TTLL5: variants seen among roughly 807,000 people sequenced by gnomAD.
TTLL5 encodes tubulin polyglutamylase TTLL5.
Under a neutral mutation model 168.4 loss-of-function variants are expected in TTLL5, and 132 were observed. That is an observed-to-expected ratio of 0.78 (90% CI 0.68 to 0.91). TTLL5 has a LOEUF of 0.91. Ranked by LOEUF, TTLL5 falls within the 40% of genes least tolerant of loss-of-function variation. The probability of loss-of-function intolerance (pLI) is 0.00; values close to 1 mark genes in which losing one functional copy is unlikely to be tolerated. For synonymous variants in TTLL5, 546 were observed against 558.6 expected (o/e 0.98, Z 0.32); for missense variants, 1,545 against 1,581.5 (o/e 0.98, Z 0.39).
intron 18 of TTLL5, among the ~76,000 whole-genome samples, chr14:75,764,007 T>C (rs1225219408): frequency 1.3e-5 from 2 of 152,160 alleles, no homozygotes; most frequent in Admixed American, 1.3e-4. Flanking sequence ...TGCCTTGGCA[T>C]TTCCTCATGT....
chr14:75,894,270 G>A (rs1332209044), intron 30 of TTLL5, among the ~76,000 whole-genome samples: 1 of 152,198 alleles, frequency 6.6e-6, no homozygotes, highest in Non-Finnish European at 1.5e-5. Context: ...AAGCAAAGGA[G>A]GCTGGGCGCA....
rs35393032 is a variant in TTLL5, at chr14:75,851,095, C to CAAA, written c.3327-12552_3327-12550dup. ...TGAGTGACAGAGTGAGACCTTGTCT[C>CAAA]AAAAAAAAAAAAAAAAAAAAAAGTT... On this transcript the variant is annotated intron_variant, in intron 28 of 31. Transcript: ENST00000298832. Among the ~76,000 whole-genome samples, 560 of 94,020 alleles carry CAAA rather than the reference C, an allele frequency of 6.0e-3. 16 individuals are homozygous for CAAA. The highest frequency in any genetic ancestry group is 0.021 in the African/African-American group (483 of 23,504). The allele number at this position is 94,020 out of a possible 152,430, so 61.7% of individuals were successfully genotyped here. A position where few individuals can be genotyped will look rare whatever the true frequency, so the allele number is the denominator to read the frequency against.
intron 26 of TTLL5, among the ~76,000 whole-genome samples, chr14:75,791,799 G>A (rs563701729): frequency 6.6e-6 from 1 of 152,150 alleles, no homozygotes; most frequent in East Asian, 1.9e-4. Context: ...TGTTATATTA[G>A]CATTAATTTT....
In TTLL5 at chr14:75,690,100, A is replaced by G. The variant is rs1312886936; in HGVS notation, c.372-92A>G. 31 of 1,396,438 alleles carry G rather than the reference A, an allele frequency of 2.2e-5. 1 individual carries two copies. In the Admixed American group the frequency reaches 4.6e-4, roughly 21 times the overall value. 86.5% of individuals were successfully genotyped at this position (1,396,438 alleles called of 1,614,324 possible). On this transcript the variant is annotated intron_variant, in intron 5 of 31. Transcript: ENST00000298832. ...CAATACTATCTTCACTAACCGGTCT[A>G]GGACTGTGAACTGTAACTCTTTAGA...
chr14:75,888,409 T>C (rs2032223923), intron 30 of TTLL5, among the ~76,000 whole-genome samples: 1 of 152,234 alleles, frequency 6.6e-6, no homozygotes, highest in South Asian at 2.1e-4. Context: ...GTAATATAAC[T>C]GCTGGATATT....
At chr14:75,809,696 C>CA (rs1198982371) in intron 27 of TTLL5, among the ~76,000 whole-genome samples, 1 of 152,164 alleles carries the variant, frequency 6.6e-6, no homozygotes, top group Non-Finnish European at 1.5e-5. Flanking sequence ...TTTTTGTACT[C>CA]ATGAATCAAT....
chr14:75,755,577 G>C (rs1890203765), intron 18 of TTLL5, among the ~76,000 whole-genome samples: 1 of 152,054 alleles, frequency 6.6e-6, no homozygotes, highest in African/African-American at 2.4e-5. Flanking sequence ...ATAATTGCCT[G>C]TTTACTAATT....
chr14:75,859,211 CA>C (rs948090778), intron 28 of TTLL5, among the ~76,000 whole-genome samples: 2 of 152,186 alleles, frequency 1.3e-5, no homozygotes, highest in African/African-American at 4.8e-5. Context: ...TCCCTAAAAC[CA>C]GTATCCATTT....
At chr14:75,720,129 T>C (rs1566826903) in intron 11 of TTLL5, among the ~76,000 whole-genome samples, 1 of 152,242 alleles carries the variant, frequency 6.6e-6, no homozygotes, top group Non-Finnish European at 1.5e-5. Flanking sequence ...ACAAATTGCC[T>C]GTCTCCATAT....
rs150806352 is a variant in TTLL5, at chr14:75,745,140, G to T, written c.1327G>T (p.Val443Leu). The change falls in exon 16 of 32, where the codon GTG (valine) becomes TTG (leucine). Residue 443 changes from valine (V) to leucine (L), a missense_variant. Coordinates refer to ENST00000298832, the MANE Select transcript of TTLL5 (RefSeq NM_015072.5). ...CAGTGATGCGGAAATGAAAAACCTC[G>T]TGGGCTCAGCCCGGGAGAAAGGGCC... ...SASDAEMKNL[V>L]GSAREKGPGK... 41 of 1,613,776 alleles carry T rather than the reference G, an allele frequency of 2.5e-5. No individual in the cohort carries two copies. Among genetic ancestry groups the T allele is most frequent in the Non-Finnish European group, 3.5e-5 (41 of 1,179,886 alleles).
At chr14:75,779,515 TG>T in intron 23 of TTLL5, 59 bp from the exon 24 acceptor site, 4 of 1,582,664 alleles carry the variant, frequency 2.5e-6, no homozygotes, top group Admixed American at 2.0e-5. Context: ...TAATAAAATC[TG>T]GTGGAAAGAT....
intron 28 of TTLL5, among the ~76,000 whole-genome samples, chr14:75,854,052 AG>A (rs1897011149): frequency 1.3e-5 from 2 of 151,938 alleles, no homozygotes; most frequent in South Asian, 4.2e-4. Context: ...CAAAAAAAAA[AG>A]AGAGAGAAAA....
chr14:75,679,856 C>T (rs1387134279), intron 3 of TTLL5, among the ~76,000 whole-genome samples: 2 of 152,128 alleles, frequency 1.3e-5, no homozygotes, highest in African/African-American at 2.4e-5. Flanking sequence ...GAAAGTTTGC[C>T]CACAAGAATG....
chr14:75,939,574 G>C (rs990870964), intron 31 of TTLL5, among the ~76,000 whole-genome samples: 1 of 152,118 alleles, frequency 6.6e-6, no homozygotes, highest in Non-Finnish European at 1.5e-5. Flanking sequence ...ATTTTTAGTA[G>C]AGATGAGTTT....
chr14:75,787,664 A>G (rs995948959), intron 26 of TTLL5, among the ~76,000 whole-genome samples: 1 of 152,230 alleles, frequency 6.6e-6, no homozygotes, highest in Non-Finnish European at 1.5e-5. Flanking sequence ...TTTATTGATA[A>G]TATATAGGAC....
chr14:75,946,854 A>G (rs886677781), intron 31 of TTLL5, among the ~76,000 whole-genome samples: 40 of 152,230 alleles, frequency 2.6e-4, no homozygotes, highest in African/African-American at 8.9e-4. Flanking sequence ...AGAAGGGGGA[A>G]TAAGCTGGCA....
Position 75,782,498 on chromosome 14 carries a change from A to T in TTLL5, c.2527A>T (p.Thr843Ser). 1 of 1,613,668 alleles carries T rather than the reference A, an allele frequency of 6.2e-7. No homozygotes were observed. The change falls in exon 25 of 32, where the codon ACT becomes TCT. Residue 843 changes from threonine to serine, a missense_variant. Thr to Ser is a moderately conservative substitution (Grantham distance 58, BLOSUM62 1). Coordinates refer to ENST00000298832, the MANE Select transcript of TTLL5 (RefSeq NM_015072.5). The part of the protein sequence containing the change: ...DSGAKGDHPE[T>S]IMEEVKIKPP... ...ATTTCTTATTTCAGATCACCCTGAG[A>T]CTATAATGGAAGAAGTGAAAATAAA...
At chr14:75,741,999 T>G (rs759977159) in intron 15 of TTLL5, among the ~76,000 whole-genome samples, 6 of 152,172 alleles carry the variant, frequency 3.9e-5, no homozygotes, top group Non-Finnish European at 8.8e-5. Context: ...AAAAAACCAT[T>G]AAAAACAATA....
At chr14:75,678,592 A>G (rs1332795792) in intron 3 of TTLL5, among the ~76,000 whole-genome samples, 1 of 152,128 alleles carries the variant, frequency 6.6e-6, no homozygotes, top group Non-Finnish European at 1.5e-5. Flanking sequence ...GTCTTCCATG[A>G]CATTGACATT....
Sources: gnomAD v4.1 joint callset for allele counts (sites outside exome capture counted in the v4.1 genomes callset) on GRCh38, gnomAD v4.1.1 for gene constraint, MANE v1.5 for transcripts, NCBI Gene and HGNC (gene_info 2026-07-23, HGNC 2026-07-21) for gene names.